The following TFRC variants were observed in gnomAD, a reference collection of about 807,000 sequenced individuals.
TFRC encodes the protein transferrin receptor protein 1.
TFRC carries 35 observed loss-of-function variants against 85.8 expected under a neutral mutation model. The observed-to-expected ratio is 0.41, with a 90% CI of 0.31 to 0.54. TFRC has a LOEUF of 0.54. TFRC is among the 20% of genes least tolerant of loss of function. TFRC has a pLI of 0.31. For synonymous variants in TFRC, 362 were observed against 328.6 expected (o/e 1.10, Z -1.10); for missense variants, 828 against 921.5 (o/e 0.90, Z 1.31).
Position 196,050,524 on chromosome 3 carries a change from C to T in TFRC, c.*1418G>A, listed in dbSNP as rs1349159758. 4.9e-6 allele frequency: 1 copy of T among 204,252 alleles called. No homozygotes were observed. The highest frequency in any genetic ancestry group is 1.0e-5 in the Non-Finnish European group (1 of 99,432). 12.7% of individuals were successfully genotyped at this position (204,252 alleles called of 1,614,324 possible). A position where few individuals can be genotyped will look rare whatever the true frequency, so the allele number is the denominator to read the frequency against. ...CCCTTAGTGTAACATATGGAGATCA[C>T]TGTCTCCGATACAGACACTGTGGTA... is the stretch of plus-strand genomic sequence containing the variant. On this transcript the variant is annotated 3_prime_UTR_variant, in exon 19 of 19. Coordinates refer to ENST00000360110, the MANE Select transcript of TFRC (RefSeq NM_001128148.3).
intron 6 of TFRC, among the ~76,000 whole-genome samples, chr3:196,070,676 T>C (rs1718114053): frequency 6.6e-6 from 1 of 151,548 alleles, no homozygotes; most frequent in Admixed American, 6.6e-5. Context: ...CCTCCTGTAA[T>C]CCCAGCACTT....
At chr3:196,075,577 T>C (rs1718617172) in intron 2 of TFRC, among the ~76,000 whole-genome samples, 1 of 152,076 alleles carries the variant, frequency 6.6e-6, no homozygotes, top group Admixed American at 6.6e-5. Context: ...TTTTTTTTTT[T>C]TTTTGAGACA....
intron 1 of TFRC, among the ~76,000 whole-genome samples, chr3:196,078,384 C>T (rs1360059736): frequency 1.3e-5 from 2 of 152,172 alleles, no homozygotes. Flanking sequence ...TCTGGCCAGG[C>T]ACGGTGGCTC....
At position 196,060,316 on chromosome 3, in the gene TFRC, C is replaced by G. The variant is rs1028436871; in HGVS notation, c.1469-69G>C. ...AATTTTCACACTGCTACTTCTACAACTATAAGTACTTGACAAATAAGACAG... is the reference window on the plus strand; with the variant it reads ...AATTTTCACACTGCTACTTCTACAAGTATAAGTACTTGACAAATAAGACAG... On this transcript the variant is annotated intron_variant, in intron 13 of 18. Transcript: ENST00000360110. 19 of 1,275,340 alleles carry G rather than the reference C, an allele frequency of 1.5e-5. 1 individual carries two copies. In the Admixed American group the frequency reaches 3.5e-4, roughly 24 times the overall value. 79.0% of individuals were successfully genotyped at this position (1,275,340 alleles called of 1,614,324 possible).
rs1716205210 is a variant in TFRC at position 196,050,288 on chromosome 3, T to C, written c.*1654A>G. 4.5e-6 allele frequency: 1 copy of C among 221,018 alleles called. No individual in the cohort carries two copies. The highest frequency in any genetic ancestry group is 2.2e-5 in the African/African-American group (1 of 44,682). The allele number at this position is 221,018 out of a possible 1,614,324, so 13.7% of individuals were successfully genotyped here. A position where few individuals can be genotyped will look rare whatever the true frequency, so the allele number is the denominator to read the frequency against. On this transcript the variant is annotated 3_prime_UTR_variant, in exon 19 of 19. Transcript: ENST00000360110. Reference sequence around the variant, plus strand: ...CCATAAAGGTAACAAAAACCCAAGCTAAATTTCAAATTTTGTAGTAATTTC... The same window carrying C: ...CCATAAAGGTAACAAAAACCCAAGCCAAATTTCAAATTTTGTAGTAATTTC...
intron 16 of TFRC, among the ~76,000 whole-genome samples, chr3:196,056,588 G>A (rs1416307194): frequency 6.6e-6 from 1 of 151,968 alleles, no homozygotes; most frequent in African/African-American, 2.4e-5. Context: ...TTTTAGTAGA[G>A]ATGGGGTTTA....
rs767965569 is a variant in TFRC at position 196,052,064 on chromosome 3, G to C, written c.2161C>G (p.Gln721Glu). 6.2e-7 allele frequency: 1 copy of C among 1,614,114 alleles called. No homozygotes were observed. Among genetic ancestry groups the C allele is most frequent in the Non-Finnish European group, 8.5e-7 (1 of 1,180,010 alleles). ...ALLENLKLRK[Q>E]NNGAFNETLF... ...GTTTCATTAAAAGCACCGTTATTTT[G>C]TTTACGCAGTTTCAAGTTCTCCAGT... The change falls in exon 19 of 19, where the codon CAA (glutamine) becomes GAA (glutamate). Residue 721 changes from glutamine to glutamate, a missense_variant. Gln to Glu is a conservative substitution (Grantham distance 29). Transcript: ENST00000360110.
chr3:196,061,764 C>T (rs562399806), intron 13 of TFRC, among the ~76,000 whole-genome samples: 1 of 152,308 alleles, frequency 6.6e-6, no homozygotes, highest in East Asian at 1.9e-4. Context: ...GCTGGGATTA[C>T]AGGCGTGCAC....
In TFRC at chr3:196,074,420, G is replaced by A. The variant is rs41301355; in HGVS notation, c.239-295C>T. On this transcript the variant is annotated intron_variant, in intron 3 of 18. Coordinates refer to ENST00000360110, the MANE Select transcript of TFRC (RefSeq NM_001128148.3). ...CAGTGTCCTGCGGATATTTTCTAGC[G>A]TAGCATTTGCTTCCTGGTGGAGTGG... is the stretch of plus-strand genomic sequence containing the variant. 6.3e-3 allele frequency: 1,480 copies of A among 234,872 alleles called. 18 individuals carry two copies. Among genetic ancestry groups the A allele is most frequent in the African/African-American group, 0.025 (1,136 of 44,552 alleles). 14.5% of individuals were successfully genotyped at this position (234,872 alleles called of 1,614,324 possible).
rs3933 is a variant in TFRC at position 196,058,126 on chromosome 3, G to A, written c.1677+158C>T. On this transcript the variant is annotated intron_variant, in intron 16 of 18. Transcript: ENST00000360110. ...ACCTCAAAGTAATTTTGTAATCCTC[G>A]TCATTTGTCCTTAAAAACTTGTTTT... 163,365 of 518,240 alleles carry A rather than the reference G, an allele frequency of 0.32. 26,598 individuals carry two copies. Among genetic ancestry groups the A allele is most frequent in the South Asian group, 0.35 (10,089 of 28,896 alleles). 32.1% of individuals were successfully genotyped at this position (518,240 alleles called of 1,614,324 possible). A position where few individuals can be genotyped will look rare whatever the true frequency, so the allele number is the denominator to read the frequency against.
chr3:196,067,577 TGATGACCGA>T lies in TFRC; in HGVS notation c.972_980del (p.Arg325_Ser327del), dbSNP rs1355600259. 2 of 1,614,038 alleles carry T rather than the reference TGATGACCGA, an allele frequency of 1.2e-6. No individual in the cohort carries two copies. Among genetic ancestry groups the T allele is most frequent in the Non-Finnish European group, 8.5e-7 (1 of 1,180,020 alleles). ...TCTGGACAGGTATATTAGGCAATCC[TGATGACCGA>T]GATGGTGGAAACTGAGTGTGATTGA... On this transcript the variant is annotated inframe_deletion, in exon 9 of 19. Coordinates refer to ENST00000360110, the MANE Select transcript of TFRC (RefSeq NM_001128148.3).
intron 1 of TFRC, among the ~76,000 whole-genome samples, chr3:196,078,572 G>A (rs1411953273): frequency 2.6e-5 from 4 of 151,782 alleles, no homozygotes; most frequent in East Asian, 2.0e-4. Context: ...CAGGAGAATC[G>A]CTTGAACCCG....
At position 196,071,473 on chromosome 3, in the gene TFRC, C is replaced by T. The variant is rs1165808396; in HGVS notation, c.610G>A (p.Asp204Asn). 6.2e-6 allele frequency: 10 copies of T among 1,614,054 alleles called. No homozygotes were observed. The highest frequency in any genetic ancestry group is 8.5e-6 in the Non-Finnish European group (10 of 1,179,948). ...DSAQNSVIIV[D>N]KNGRLVYLVE... ...AGGTAAACAAGTCTACCGTTCTTAT[C>T]AACTATGATCACCGAGTTTTGAGCG... Residue 204 changes from aspartate (D) to asparagine (N), a missense_variant, in exon 6 of 19, where the codon GAT becomes AAT. Coordinates refer to ENST00000360110, the MANE Select transcript of TFRC (RefSeq NM_001128148.3).
Position 196,075,369 on chromosome 3 carries a change from C to A in TFRC, c.37-9G>T, listed in dbSNP as rs200548045. 3.7e-6 allele frequency: 6 copies of A among 1,613,726 alleles called. No individual in the cohort carries two copies. Among genetic ancestry groups the A allele is most frequent in the East Asian group, 4.5e-5 (2 of 44,874 alleles). ...AATGGTTCTCCACCAAACTGTGTTG[C>A]GGAAAAAGGCATGATGAAGAACAGG... On this transcript the variant is annotated splice_polypyrimidine_tract_variant and intron_variant, in intron 2 of 18. Coordinates refer to ENST00000360110, the MANE Select transcript of TFRC (RefSeq NM_001128148.3).
chr3:196,052,026 G>A lies in TFRC; in HGVS notation c.2199C>T (p.Asn733=). ...NGAFNETLFR[N]QLALATWTIQ... ...TAGTCCAAGTAGCTAGAGCCAACTG[G>A]TTTCTGAACAGCGTTTCATTAAAAG... The change falls in exon 19 of 19, where the codon AAC becomes AAT. Residue 733 remains asparagine, a synonymous_variant. Transcript: ENST00000360110. The A allele has an allele frequency of 6.2e-7, 1 of 1,614,180 alleles. No homozygotes were observed. Among genetic ancestry groups the A allele is most frequent in the Non-Finnish European group, 8.5e-7 (1 of 1,180,044 alleles).
At chr3:196,064,985 C>T (rs1405532662) in intron 10 of TFRC, among the ~76,000 whole-genome samples, 3 of 152,270 alleles carry the variant, frequency 2.0e-5, no homozygotes, top group South Asian at 2.1e-4. Flanking sequence ...AGGCTGGGCG[C>T]GGTGGCTCAT....
chr3:196,068,000 C>CA lies in TFRC; in HGVS notation c.900+31dup. 1.9e-6 allele frequency: 3 copies of CA among 1,572,482 alleles called. No individual in the cohort carries two copies. In the South Asian group the frequency reaches 3.4e-5, roughly 18 times the overall value. On this transcript the variant is annotated intron_variant, in intron 8 of 18. Coordinates refer to ENST00000360110, the MANE Select transcript of TFRC (RefSeq NM_001128148.3). ...GAATCCAAGAACAACTCAAGGAACTCAAAACGGTGATTTACTCAAGAAATA... is the reference window on the plus strand; with the variant it reads ...GAATCCAAGAACAACTCAAGGAACTCAAAAACGGTGATTTACTCAAGAAATA...
In TFRC at chr3:196,058,305, T is replaced by C. The variant is rs528859560; in HGVS notation, c.1656A>G (p.Ala552=). 2 of 1,614,012 alleles carry C rather than the reference T, an allele frequency of 1.2e-6. No homozygotes were observed. The highest frequency in any genetic ancestry group is 1.1e-5 in the South Asian group (1 of 91,070). Reference sequence around the variant, plus strand: ...TTACCTCGCAAAAACAGAAAGAAACTGCTGGGATTCCAGAATATGCAAGGA... The same window carrying C: ...TTACCTCGCAAAAACAGAAAGAAACCGCTGGGATTCCAGAATATGCAAGGA... ...FPFLAYSGIP[A]VSFCFCEDTD... is the part of the protein sequence containing the mutation. Residue 552 remains alanine, a synonymous_variant, in exon 16 of 19, where the codon GCA becomes GCG. Transcript: ENST00000360110.
intron 14 of TFRC, among the ~76,000 whole-genome samples, chr3:196,059,575 T>A (rs1428566786): frequency 6.6e-6 from 1 of 152,128 alleles, no homozygotes; most frequent in Non-Finnish European, 1.5e-5. Flanking sequence ...CAGCCTCTAA[T>A]CCCATTAGGC....
Sources: allele counts gnomAD v4.1 joint callset (sites outside exome capture counted in the v4.1 genomes callset), GRCh38; gene constraint gnomAD v4.1.1; transcripts MANE v1.5; gene names NCBI Gene and HGNC (gene_info 2026-07-23, HGNC 2026-07-21).